RASAL2: variants seen among roughly 807,000 people sequenced by gnomAD.
RASAL2 encodes the protein RAS protein activator like 2, also known as ras GTPase-activating protein nGAP.
In RASAL2, 58 loss-of-function variants were observed where a neutral mutation model predicts 128.9. The observed-to-expected ratio is 0.45, with a 90% CI of 0.36 to 0.56. The LOEUF is 0.56. RASAL2 is among the 20% of genes least tolerant of loss of function. RASAL2 has a pLI of 0.00. For missense variants in RASAL2, 1,360 were observed against 1,601.6 expected, an observed-to-expected ratio of 0.85 and a Z score of 2.57; for synonymous variants, 561 against 580.8, an observed-to-expected ratio of 0.97 and a Z score of 0.49.
intron 3 of RASAL2, among the ~76,000 whole-genome samples, chr1:178,366,369 G>A (rs548017717): frequency 6.6e-6 from 1 of 152,284 alleles, no homozygotes; most frequent in South Asian, 2.1e-4. Flanking sequence ...AAAAGATCAT[G>A]TATTACTTGC....
rs3041601 is a variant in RASAL2 at position 178,243,602 on chromosome 1, CAAAAA to C, written c.203-39949_203-39945del. Among the ~76,000 whole-genome samples the C allele has an allele frequency of 8.2e-5, 10 of 121,892 alleles. 1 individual carries two copies. Among genetic ancestry groups the C allele is most frequent in the East Asian group, 4.9e-4 (2 of 4,096 alleles). The allele number at this position is 121,892 out of a possible 152,430, so 80.0% of individuals were successfully genotyped here. On this transcript the variant is annotated intron_variant, in intron 1 of 17. Transcript: ENST00000367649. ...TGATGCTAGGCTTGCTTGTTGTTAT[CAAAAA>C]AAAAAAAAAAAATGACAACAACAAA...
chr1:178,134,846 A>C (rs1345529661), intron 1 of RASAL2, among the ~76,000 whole-genome samples: 4 of 152,258 alleles, frequency 2.6e-5, no homozygotes, highest in Non-Finnish European at 5.9e-5. Flanking sequence ...AAGTGAGAGC[A>C]GAAGCAGACT....
chr1:178,263,741 G>T (rs1207186623), intron 1 of RASAL2, among the ~76,000 whole-genome samples: 1 of 152,076 alleles, frequency 6.6e-6, no homozygotes, highest in Non-Finnish European at 1.5e-5. Context: ...AAAAAATTGA[G>T]ACAGGGTCTC....
chr1:178,116,387 A>G (rs1005312648), intron 1 of RASAL2, among the ~76,000 whole-genome samples: 2 of 152,220 alleles, frequency 1.3e-5, no homozygotes, highest in African/African-American at 4.8e-5. Context: ...TGGGTAGTCT[A>G]TGAAAGAGTA....
intron 3 of RASAL2, among the ~76,000 whole-genome samples, chr1:178,302,824 G>T (rs139875250): frequency 5.3e-4 from 80 of 152,190 alleles, no homozygotes; most frequent in African/African-American, 1.4e-3. Flanking sequence ...GGAAGATCAC[G>T]AGGTCAGGAG....
At chr1:178,403,297 A>G (rs1673769611) in intron 4 of RASAL2, among the ~76,000 whole-genome samples, 1 of 152,154 alleles carries the variant, frequency 6.6e-6, no homozygotes, top group African/African-American at 2.4e-5. Flanking sequence ...TTCTTGAGTG[A>G]ATTCAACTTT....
chr1:178,401,725 A>G (rs1673643092), intron 4 of RASAL2, among the ~76,000 whole-genome samples: 2 of 152,338 alleles, frequency 1.3e-5, no homozygotes, highest in Middle Eastern at 3.4e-3. Flanking sequence ...ACAGAAGTGA[A>G]GGTGAAAACC....
intron 1 of RASAL2, among the ~76,000 whole-genome samples, chr1:178,154,692 A>G (rs1571554994): frequency 1.3e-5 from 2 of 152,186 alleles, no homozygotes; most frequent in Non-Finnish European, 2.9e-5. Flanking sequence ...TTGGCCATTC[A>G]TATATCTTCT....
chr1:178,425,429 A>C (rs1675455816), intron 5 of RASAL2, among the ~76,000 whole-genome samples: 1 of 152,164 alleles, frequency 6.6e-6, no homozygotes, highest in Non-Finnish European at 1.5e-5. Flanking sequence ...AATATGAGAG[A>C]TAGATTACTT....
intron 1 of RASAL2, chr1:178,194,446 T>A: frequency 4.7e-6 from 1 of 211,372 alleles, no homozygotes; most frequent in Middle Eastern, 6.0e-4. Context: ...CCACCAACTA[T>A]GCCTCACTTG....
At chr1:178,411,947 G>A in intron 4 of RASAL2, 2 of 619,166 alleles carry the variant, frequency 3.2e-6, no homozygotes, top group Non-Finnish European at 5.8e-6. Flanking sequence ...GGCAGATTGA[G>A]GACATCACCC....
chr1:178,307,557 C>T (rs961581782), intron 3 of RASAL2, among the ~76,000 whole-genome samples: 1 of 152,076 alleles, frequency 6.6e-6, no homozygotes, highest in Non-Finnish European at 1.5e-5. Flanking sequence ...AGTAAATAGT[C>T]ATTTTCAATG....
intron 1 of RASAL2, among the ~76,000 whole-genome samples, chr1:178,202,448 A>G (rs559809139): frequency 6.6e-6 from 1 of 152,364 alleles, no homozygotes; most frequent in South Asian, 2.1e-4. Context: ...CAGCTGCAGC[A>G]CTACAGCCCC....
chr1:178,401,160 C>T (rs1447772356), intron 4 of RASAL2, among the ~76,000 whole-genome samples: 1 of 152,224 alleles, frequency 6.6e-6, no homozygotes, highest in Non-Finnish European at 1.5e-5. Context: ...TTTATGAAAA[C>T]TGATTTAATA....
intron 1 of RASAL2, among the ~76,000 whole-genome samples, chr1:178,224,785 A>G (rs1161932029): frequency 6.6e-6 from 1 of 152,170 alleles, no homozygotes; most frequent in Non-Finnish European, 1.5e-5. Flanking sequence ...GTGACAACAG[A>G]CTATGTCTAA....
intron 6 of RASAL2, among the ~76,000 whole-genome samples, chr1:178,439,778 G>T (rs1021533074): frequency 1.6e-4 from 25 of 152,006 alleles, no homozygotes; most frequent in African/African-American, 5.8e-4. Flanking sequence ...AGATAGCTTT[G>T]CATTCCTTTT....
chr1:178,110,626 T>G (rs1659275491), intron 1 of RASAL2, among the ~76,000 whole-genome samples: 1 of 76,156 alleles, frequency 1.3e-5, no homozygotes, highest in African/African-American at 4.5e-5. Flanking sequence ...ATACACTATA[T>G]ATAGTGTATA....
intron 1 of RASAL2, among the ~76,000 whole-genome samples, chr1:178,224,339 CTTTA>C (rs953293523): frequency 6.6e-6 from 1 of 150,460 alleles, no homozygotes; most frequent in Non-Finnish European, 1.5e-5. Flanking sequence ...CTTAAAAAAT[CTTTA>C]TTTGGCCCTT....
chr1:178,099,800 A>C (rs1384660965), intron 1 of RASAL2, among the ~76,000 whole-genome samples: 1 of 151,662 alleles, frequency 6.6e-6, no homozygotes, highest in Non-Finnish European at 1.5e-5. Flanking sequence ...GTTTCTACTA[A>C]AGTACAAAGA....
Sources: allele counts gnomAD v4.1 joint callset (sites outside exome capture counted in the v4.1 genomes callset), GRCh38; gene constraint gnomAD v4.1.1; transcripts MANE v1.5; gene names NCBI Gene and HGNC (gene_info 2026-07-23, HGNC 2026-07-21).